KDM4C: variants seen among roughly 807,000 people sequenced by gnomAD.
The protein encoded by KDM4C is lysine-specific demethylase 4C.
Under a neutral mutation model 129.3 loss-of-function variants are expected in KDM4C, and 81 were observed. The ratio of observed to expected loss-of-function variants is 0.63; its 90% CI spans 0.52 to 0.75. KDM4C has a LOEUF of 0.75. KDM4C is among the 30% of genes least tolerant of loss of function. The probability of loss-of-function intolerance (pLI) is 0.00; values close to 1 mark genes in which losing one functional copy is unlikely to be tolerated. For synonymous variants in KDM4C, 573 were observed against 456.1 expected, an observed-to-expected ratio of 1.26 and a Z score of -3.26; for missense variants, 1,457 against 1,304.0, an observed-to-expected ratio of 1.12 and a Z score of -1.81.
chr9:6,933,972 C>T (rs1372235252), intron 8 of KDM4C, among the ~76,000 whole-genome samples: 2 of 151,928 alleles, frequency 1.3e-5, no homozygotes, highest in Non-Finnish European at 2.9e-5. Context: ...GCCATAGCCT[C>T]CTGTGTAGCT....
At chr9:7,062,502 T>G (rs1037810845) in intron 17 of KDM4C, among the ~76,000 whole-genome samples, 1 of 152,104 alleles carries the variant, frequency 6.6e-6, no homozygotes, top group African/African-American at 2.4e-5. Context: ...ATCTTCCCAC[T>G]TCAGCCTTCT....
At chr9:6,997,593 A>G (rs1186324669) in intron 12 of KDM4C, among the ~76,000 whole-genome samples, 5 of 152,232 alleles carry the variant, frequency 3.3e-5, no homozygotes, top group African/African-American at 4.8e-5. Flanking sequence ...GCAGTTGCAA[A>G]ATCTTTGAAC....
At chr9:6,807,799 G>C (rs978529197) in intron 3 of KDM4C, among the ~76,000 whole-genome samples, 35 of 147,352 alleles carry the variant, frequency 2.4e-4, no homozygotes, top group Non-Finnish European at 4.7e-4. Context: ...GTGGGGGGGG[G>C]GTCAGCCCCC....
At chr9:7,036,208 G>T (rs1158573636) in intron 15 of KDM4C, among the ~76,000 whole-genome samples, 1 of 151,740 alleles carries the variant, frequency 6.6e-6, no homozygotes, top group Non-Finnish European at 1.5e-5. Context: ...CACCTTCTTG[G>T]TTAAATTTAT....
chr9:7,156,316 T>C (rs925005346), intron 19 of KDM4C, among the ~76,000 whole-genome samples: 1 of 152,248 alleles, frequency 6.6e-6, no homozygotes, highest in Non-Finnish European at 1.5e-5. Context: ...CTGTTCACTC[T>C]AATGGTAGTT....
chr9:7,166,417 A>G (rs1358805664), intron 20 of KDM4C, among the ~76,000 whole-genome samples: 1 of 149,072 alleles, frequency 6.7e-6, no homozygotes, highest in Non-Finnish European at 1.5e-5. Context: ...GGGAATGGAT[A>G]GGGGAGGATG....
intron 8 of KDM4C, among the ~76,000 whole-genome samples, chr9:6,964,919 A>C (rs1293820680): frequency 6.6e-6 from 1 of 151,770 alleles, no homozygotes; most frequent in Admixed American, 6.6e-5. Flanking sequence ...GCGCCATTGC[A>C]CTCCAGCCTG....
At chr9:6,963,894 T>C (rs184969354) in intron 8 of KDM4C, among the ~76,000 whole-genome samples, 42 of 152,340 alleles carry the variant, frequency 2.8e-4, no homozygotes, top group East Asian at 9.7e-4. Flanking sequence ...ATCACTTTTT[T>C]AGCTATTCCT....
upstream of KDM4C, among the ~76,000 whole-genome samples, chr9:6,753,074 G>C (rs147504812): frequency 6.6e-6 from 1 of 152,134 alleles, no homozygotes; most frequent in Non-Finnish European, 1.5e-5. Flanking sequence ...ATACTAATCA[G>C]TATCTCAAGA....
chr9:6,943,865 T>C (rs1826402894), intron 8 of KDM4C, among the ~76,000 whole-genome samples: 1 of 152,178 alleles, frequency 6.6e-6, no homozygotes, highest in Non-Finnish European at 1.5e-5. Context: ...CCAGAATCTT[T>C]TTTTACAGGG....
chr9:7,074,242 C>T (rs1833600944), intron 17 of KDM4C, among the ~76,000 whole-genome samples: 1 of 152,084 alleles, frequency 6.6e-6, no homozygotes, highest in Non-Finnish European at 1.5e-5. Flanking sequence ...CAGCTCACTG[C>T]AACCGCTGTC....
At chr9:7,019,763 AT>A (rs886150973) in intron 15 of KDM4C, among the ~76,000 whole-genome samples, 107 of 120,002 alleles carry the variant, frequency 8.9e-4, no homozygotes, top group Non-Finnish European at 1.5e-3. Context: ...ATATATAAAA[AT>A]ATAATATTTT....
At chr9:6,776,077 C>G (rs910086577) in intron 1 of KDM4C, among the ~76,000 whole-genome samples, 1 of 152,168 alleles carries the variant, frequency 6.6e-6, no homozygotes, top group Admixed American at 6.6e-5. Context: ...AGAAGGATAA[C>G]ACACCTTTCT....
intron 15 of KDM4C, among the ~76,000 whole-genome samples, chr9:7,040,212 T>G (rs925583330): frequency 6.6e-6 from 1 of 152,116 alleles, no homozygotes; most frequent in Non-Finnish European, 1.5e-5. Context: ...ATTTTACTTC[T>G]TCATATACTA....
chr9:7,103,577 G>GTTT lies in KDM4C; in HGVS notation c.2425-106_2425-105insTTT. ...GGGTCAGGACTTGTTGATGTAATCAGTTGTTTTTTTTTTTTTTTCTTCTCT... is the reference window on the plus strand; with the variant it reads ...GGGTCAGGACTTGTTGATGTAATCAGTTTTTGTTTTTTTTTTTTTTTCTTCTCT... On this transcript the variant is annotated intron_variant, in intron 17 of 21. Transcript: ENST00000381309. 3 of 830,172 alleles carry GTTT rather than the reference G, an allele frequency of 3.6e-6. No homozygotes were observed. In the African/African-American group the frequency reaches 5.3e-5, roughly 15 times the overall value. The allele number at this position is 830,172 out of a possible 1,614,324, so 51.4% of individuals were successfully genotyped here.
At chr9:6,724,651 C>G (rs1489817553) in intron 1 of KDM4C, among the ~76,000 whole-genome samples, 2 of 152,156 alleles carry the variant, frequency 1.3e-5, no homozygotes, top group Non-Finnish European at 2.9e-5. Flanking sequence ...CTGCCTCAGC[C>G]TCCCGAGCAG....
chr9:6,925,601 A>C, intron 8 of KDM4C: 1 of 985,424 alleles, frequency 1.0e-6, no homozygotes. Context: ...GCAGACCCTC[A>C]GTTCTAAAAC....
intron 15 of KDM4C, among the ~76,000 whole-genome samples, chr9:7,022,210 A>G (rs539004749): frequency 1.6e-3 from 244 of 152,258 alleles, no homozygotes; most frequent in African/African-American, 5.7e-3. Context: ...GTATTTTGAT[A>G]GGGATTGCAT....
At chr9:6,863,168 C>G (rs566897139) in intron 5 of KDM4C, among the ~76,000 whole-genome samples, 4 of 151,708 alleles carry the variant, frequency 2.6e-5, no homozygotes, top group Non-Finnish European at 5.9e-5. Flanking sequence ...TGCTTTAACT[C>G]CCCCCCACCC....
Sources: gnomAD v4.1 joint callset for allele counts (sites outside exome capture counted in the v4.1 genomes callset) on GRCh38, gnomAD v4.1.1 for gene constraint, MANE v1.5 for transcripts, NCBI Gene and HGNC (gene_info 2026-07-23, HGNC 2026-07-21) for gene names.